ANKDD1A: variants seen among roughly 807,000 people sequenced by gnomAD.
The protein encoded by ANKDD1A is ankyrin repeat and death domain-containing protein 1A.
ANKDD1A carries 59 observed loss-of-function variants against 63.5 expected under a neutral mutation model. That is an observed-to-expected ratio of 0.93 (90% CI 0.75 to 1.15). The LOEUF is 1.15. Ranked by LOEUF, ANKDD1A falls within the 50% of genes most tolerant of loss-of-function variation. The probability of loss-of-function intolerance (pLI) is 0.00; values close to 1 mark genes in which losing one functional copy is unlikely to be tolerated. For synonymous variants in ANKDD1A, 266 were observed against 263.9 expected (o/e 1.01, Z -0.08); for missense variants, 632 against 656.4 (o/e 0.96, Z 0.41).
intron 14 of ANKDD1A, among the ~76,000 whole-genome samples, chr15:64,955,973 T>C (rs942383826): frequency 6.6e-6 from 1 of 152,168 alleles, no homozygotes; most frequent in African/African-American, 2.4e-5. Context: ...ACCAAGTGAC[T>C]GGCTACAGGG....
rs2085435039 is a variant in ANKDD1A, at chr15:64,958,033, T to C, written c.*845T>C. On this transcript the variant is annotated 3_prime_UTR_variant, in exon 15 of 15. Coordinates refer to ENST00000319580, the MANE Select transcript of ANKDD1A (RefSeq NM_182703.6). Reference sequence around the variant, plus strand: ...AAGAGTTCTCAGTGGTTCCTTTCTATACAGTTTTAACTTTTGAAATGTGTG... The same window carrying C: ...AAGAGTTCTCAGTGGTTCCTTTCTACACAGTTTTAACTTTTGAAATGTGTG... The C allele has an allele frequency of 6.6e-6, 1 of 152,222 alleles. No individual in the cohort carries two copies. Among genetic ancestry groups the C allele is most frequent in the Non-Finnish European group, 1.5e-5 (1 of 68,038 alleles). The allele number at this position is 152,222 out of a possible 1,614,324, so 9.4% of individuals were successfully genotyped here.
chr15:64,935,788 G>T (rs779054220), intron 9 of ANKDD1A, among the ~76,000 whole-genome samples: 15 of 152,038 alleles, frequency 9.9e-5, no homozygotes, highest in Non-Finnish European at 2.1e-4. Context: ...AAGTTGCAGT[G>T]AGCCAAGATC....
At position 64,911,976 on chromosome 15, in the gene ANKDD1A, TGGAGGAG is replaced by T; in HGVS notation, c.34+18_34+24del. 1 of 375,186 alleles carries T rather than the reference TGGAGGAG, an allele frequency of 2.7e-6. No individual in the cohort carries two copies. Among genetic ancestry groups the T allele is most frequent in the Non-Finnish European group, 4.0e-6 (1 of 250,170 alleles). 23.2% of individuals were successfully genotyped at this position (375,186 alleles called of 1,614,324 possible). On this transcript the variant is annotated intron_variant, in intron 1 of 14. Transcript: ENST00000319580. ...GGAGACCGACGGCCGTGAGTCTGCC[TGGAGGAG>T]GGAGGGGGGCGGGCCGAGGCCGAGA...
chr15:64,917,483 C>T lies in ANKDD1A; in HGVS notation c.236C>T (p.Ala79Val), dbSNP rs377565868. The T allele has an allele frequency of 1.6e-5, 26 of 1,592,916 alleles. No homozygotes were observed. The highest frequency in any genetic ancestry group is 1.8e-4 in the Middle Eastern group (1 of 5,668). Residue 79 changes from alanine (A) to valine (V), a missense_variant, in exon 3 of 15, where the codon GCG becomes GTG. Coordinates refer to ENST00000319580, the MANE Select transcript of ANKDD1A (RefSeq NM_182703.6). Reference sequence around the variant, plus strand: ...GAGGCTGCTGTGGACGAGGAGGATGCGGTAGGGGCCCTCACAGAGGCACGT... The same window carrying T: ...GAGGCTGCTGTGGACGAGGAGGATGTGGTAGGGGCCCTCACAGAGGCACGT... ...EHEAAVDEED[A>V]VGALTEARLC... is the part of the protein sequence containing the mutation.
chr15:64,921,975 C>T lies in ANKDD1A; in HGVS notation c.322C>T (p.Gln108Ter). Residue 108 changes from glutamine to a stop codon, truncating the protein, a stop_gained, in exon 4 of 15, where the codon CAG (glutamine) becomes TAG (stop). Coordinates refer to ENST00000319580, the MANE Select transcript of ANKDD1A (RefSeq NM_182703.6). LOFTEE classifies it high-confidence loss of function. Reference protein sequence around the residue: ...SAWFGHLRILQILVNSGAKIH... With the variant: ...SAWFGHLRIL ...CTGGTTCGGCCACTTACGAATCCTC[C>T]AGATCTTGGTAAACTCAGGGGCCAA... 6 of 1,614,184 alleles carry T rather than the reference C, an allele frequency of 3.7e-6. 1 individual carries two copies. The South Asian group carries it at 4.4e-5, about 12-fold the overall frequency.
chr15:64,914,598 A>G (rs2084956079), intron 1 of ANKDD1A, among the ~76,000 whole-genome samples: 2 of 152,244 alleles, frequency 1.3e-5, no homozygotes, highest in Admixed American at 1.3e-4. Context: ...CTGGCTCAAA[A>G]GCAGAGTTTT....
At chr15:64,947,267 G>GC in intron 12 of ANKDD1A, 137 bp from the exon 13 acceptor site, 2 of 783,860 alleles carry the variant, frequency 2.6e-6, no homozygotes, top group South Asian at 3.8e-5. Context: ...AGGACATTAA[G>GC]CCCCTGGCCC....
In ANKDD1A at chr15:64,950,742, C is replaced by G. The variant is rs549882731; in HGVS notation, c.1483+770C>G. ...AAAGAAAGGACCGCCCCCCCCCCCC[C>G]CCCCCCCCATAGCTGCTATAGGCAA... On this transcript the variant is annotated intron_variant, in intron 14 of 14. Transcript: ENST00000319580. 212 of 907,520 alleles carry G rather than the reference C, an allele frequency of 2.3e-4. 10 individuals carry two copies. Among genetic ancestry groups the G allele is most frequent in the East Asian group, 6.3e-4 (5 of 7,956 alleles). 56.2% of individuals were successfully genotyped at this position (907,520 alleles called of 1,614,324 possible). A position where few individuals can be genotyped will look rare whatever the true frequency, so the allele number is the denominator to read the frequency against.
At chr15:64,926,019 G>C in intron 4 of ANKDD1A, 47 bp from the exon 5 acceptor site, 1 of 1,550,072 alleles carries the variant, frequency 6.5e-7, no homozygotes, top group South Asian at 1.2e-5. Flanking sequence ...TGTGTGAAAA[G>C]GGCCTCCCTT....
chr15:64,937,611 C>T (rs1229861583), intron 9 of ANKDD1A, among the ~76,000 whole-genome samples: 2 of 151,984 alleles, frequency 1.3e-5, no homozygotes. Context: ...GCCTGTAGTC[C>T]CAGCTATTCA....
rs143198097 is a variant in ANKDD1A, at chr15:64,913,223, C to T, written c.34+1259C>T. ...GACCTATACAGATCTCTTTCTTCACCCTCCCCCAGTTTTACAATGGAAGAA... is the reference window on the plus strand; with the variant it reads ...GACCTATACAGATCTCTTTCTTCACTCTCCCCCAGTTTTACAATGGAAGAA... On this transcript the variant is annotated intron_variant, in intron 1 of 14. Coordinates refer to ENST00000319580, the MANE Select transcript of ANKDD1A (RefSeq NM_182703.6). Among the ~76,000 whole-genome samples, 601 of 152,204 alleles carry T rather than the reference C, an allele frequency of 3.9e-3. 2 individuals carry two copies. The highest frequency in any genetic ancestry group is 0.011 in the Admixed American group (168 of 15,284).
At chr15:64,916,040 C>T (rs996923408) in intron 2 of ANKDD1A, 140 bp downstream of exon 2, 13 of 768,270 alleles carry the variant, frequency 1.7e-5, no homozygotes, top group Non-Finnish European at 2.4e-5. Context: ...GCTCTGTCCT[C>T]ATGGCCTGCA....
At chr15:64,948,766 C>T (rs974815787) in intron 13 of ANKDD1A, among the ~76,000 whole-genome samples, 1 of 151,758 alleles carries the variant, frequency 6.6e-6, no homozygotes, top group Non-Finnish European at 1.5e-5. Context: ...ACAGAGTTTG[C>T]AGTGAGCCGA....
At chr15:64,927,636 G>A (rs1409191379) in intron 6 of ANKDD1A, among the ~76,000 whole-genome samples, 2 of 133,852 alleles carry the variant, frequency 1.5e-5, no homozygotes, top group African/African-American at 5.8e-5. Context: ...ACGGAGTCTC[G>A]CTCTGTCGTC....
chr15:64,916,526 T>A (rs1341701233), intron 2 of ANKDD1A, among the ~76,000 whole-genome samples: 2 of 152,088 alleles, frequency 1.3e-5, no homozygotes, highest in Non-Finnish European at 2.9e-5. Flanking sequence ...GGGGTCTTGC[T>A]ATGTTGCCCA....
rs1187237679 is a variant in ANKDD1A, at chr15:64,951,681, T to TTCCTC, written c.1483+1710_1483+1711insCCTCT. Among the ~76,000 whole-genome samples, 73 of 33,436 alleles carry TTCCTC rather than the reference T, an allele frequency of 2.2e-3. 1 individual carries two copies. In the East Asian group the frequency reaches 0.073, roughly 34 times the overall value. The allele number at this position is 33,436 out of a possible 152,430, so 21.9% of individuals were successfully genotyped here. On this transcript the variant is annotated intron_variant, in intron 14 of 14. Coordinates refer to ENST00000319580, the MANE Select transcript of ANKDD1A (RefSeq NM_182703.6). ...TATCTTCTTTTTCTTTCTTTCCTTC[T>TTCCTC]TTCTTCTTCCTCTTCTTCTTCCTTA...
At chr15:64,946,782 CAT>C (rs762815843) in intron 12 of ANKDD1A, among the ~76,000 whole-genome samples, 44 of 152,314 alleles carry the variant, frequency 2.9e-4, no homozygotes, top group Non-Finnish European at 5.4e-4. Context: ...TTGACCATGA[CAT>C]AAGCTTTGGA....
intron 14 of ANKDD1A, 87 bp from the exon 15 acceptor site, chr15:64,957,016 C>G: frequency 2.3e-6 from 1 of 433,808 alleles, no homozygotes; most frequent in Admixed American, 2.6e-5. Context: ...TAAATGTATG[C>G]TCTTACTCTA....
intron 14 of ANKDD1A, among the ~76,000 whole-genome samples, chr15:64,953,872 CTTCAT>C (rs2085364030): frequency 7.9e-6 from 1 of 126,388 alleles, no homozygotes; most frequent in Non-Finnish European, 1.7e-5. Flanking sequence ...CCTCTTTCTT[CTTCAT>C]TCTTTCTTCT....
Sources: allele counts gnomAD v4.1 joint callset (sites outside exome capture counted in the v4.1 genomes callset), GRCh38; gene constraint gnomAD v4.1.1; transcripts MANE v1.5; gene names NCBI Gene and HGNC (gene_info 2026-07-23, HGNC 2026-07-21).